The following MCC variants were observed in gnomAD, a reference collection of about 807,000 sequenced individuals.
The protein encoded by MCC is MCC regulator of Wnt signaling pathway.
MCC carries 90 observed loss-of-function variants against 116.2 expected under a neutral mutation model. The ratio of observed to expected loss-of-function variants is 0.77; its 90% CI spans 0.65 to 0.92. The LOEUF (loss-of-function observed/expected upper bound fraction) is 0.92. Among genes scored for constraint, MCC ranks in the 40% least tolerant of loss-of-function variants. The pLI is 0.00. For missense variants in MCC, 1,516 were observed against 1,312.2 expected (o/e 1.16, Z -2.40); for synonymous variants, 578 against 510.5 (o/e 1.13, Z -1.78).
intron 1 of MCC, among the ~76,000 whole-genome samples, chr5:113,414,418 T>C (rs948128261): frequency 6.6e-6 from 1 of 152,194 alleles, no homozygotes; most frequent in Non-Finnish European, 1.5e-5. Context: ...TCTTTGTAGG[T>C]CTCTAAGGAC....
At chr5:113,463,362 G>C (rs1176406024) in intron 1 of MCC, among the ~76,000 whole-genome samples, 1 of 152,190 alleles carries the variant, frequency 6.6e-6, no homozygotes, top group African/African-American at 2.4e-5. Flanking sequence ...GGAGAGATGG[G>C]AAGGCCAGTT....
chr5:113,370,799 C>A (rs1768820224), intron 2 of MCC, among the ~76,000 whole-genome samples: 1 of 152,176 alleles, frequency 6.6e-6, no homozygotes, highest in Non-Finnish European at 1.5e-5. Flanking sequence ...ACACAGTCTG[C>A]AGATTCTAAA....
chr5:113,168,700 T>A (rs887804670), intron 3 of MCC, among the ~76,000 whole-genome samples: 2 of 152,140 alleles, frequency 1.3e-5, no homozygotes, highest in African/African-American at 4.8e-5. Flanking sequence ...AACTGTGCTT[T>A]TTTGCCATGT....
intron 3 of MCC, among the ~76,000 whole-genome samples, chr5:113,276,678 G>T (rs1294915597): frequency 6.6e-6 from 1 of 152,168 alleles, no homozygotes; most frequent in Non-Finnish European, 1.5e-5. Flanking sequence ...CCAGGCTGGA[G>T]TACAGTGGTA....
rs1768067111 is a variant in MCC at position 113,343,731 on chromosome 5, A to G, written c.416-3001T>C. On this transcript the variant is annotated intron_variant, in intron 2 of 18. Coordinates refer to ENST00000408903, the MANE Select transcript of MCC (RefSeq NM_001085377.2). ...TTGCTGAATTATCCATGGTTGTAGT[A>G]CCCTACAGTTTCACTTTTTAACCTA... 2.0e-5 allele frequency among the ~76,000 whole-genome samples: 3 copies of G among 152,238 alleles called. No individual in the cohort carries two copies. The South Asian group carries it at 6.2e-4, about 32-fold the overall frequency.
At chr5:113,457,964 C>G (rs1445435636) in intron 1 of MCC, among the ~76,000 whole-genome samples, 1 of 152,068 alleles carries the variant, frequency 6.6e-6, no homozygotes, top group Non-Finnish European at 1.5e-5. Flanking sequence ...TGTGTCCACA[C>G]TCTGTATCTA....
chr5:113,055,654 C>A lies in MCC; in HGVS notation c.2214-1695G>T, dbSNP rs149729393. 1.4e-3 allele frequency among the ~76,000 whole-genome samples: 217 copies of A among 152,316 alleles called. 2 individuals carry two copies. Among genetic ancestry groups the A allele is most frequent in the African/African-American group, 4.6e-3 (193 of 41,570 alleles). ...GGAAGTCCCTTGGAGATAAGGTAAGCTAGATCAGCCTGACCATTAAACACC... is the reference window on the plus strand; with the variant it reads ...GGAAGTCCCTTGGAGATAAGGTAAGATAGATCAGCCTGACCATTAAACACC... On this transcript the variant is annotated intron_variant, in intron 14 of 18. Transcript: ENST00000408903.
chr5:113,153,846 T>A (rs1205686204), intron 3 of MCC, among the ~76,000 whole-genome samples: 1 of 152,218 alleles, frequency 6.6e-6, no homozygotes, highest in Non-Finnish European at 1.5e-5. Context: ...TGTCCCCGAC[T>A]CCATAACTGC....
chr5:113,166,599 T>C (rs1760780864), intron 3 of MCC, among the ~76,000 whole-genome samples: 1 of 150,626 alleles, frequency 6.6e-6, no homozygotes, highest in Non-Finnish European at 1.5e-5. Context: ...TGAGTCTTCG[T>C]AATAGAGTTT....
intron 17 of MCC, among the ~76,000 whole-genome samples, chr5:113,032,889 A>G (rs1445988585): frequency 6.6e-6 from 1 of 152,242 alleles, no homozygotes; most frequent in African/African-American, 2.4e-5. Flanking sequence ...AACAGTTTAC[A>G]AATGCCATGG....
At chr5:113,484,293 T>A (rs779606187) in intron 1 of MCC, among the ~76,000 whole-genome samples, 1 of 152,132 alleles carries the variant, frequency 6.6e-6, no homozygotes, top group African/African-American at 2.4e-5. Flanking sequence ...GTTAAAAATA[T>A]ACATATTTAA....
rs886781614 is a variant in MCC, at chr5:113,027,376, T to C, written c.2986A>G (p.Arg996Gly). ...AGAGCTATTCTTTGCTTGAGCATCC[T>C]CACTTGGGTCTCATGTCTCTCCACC... is the stretch of plus-strand genomic sequence containing the variant. ...AMVERHETQV[R>G]MLKQRIALLE... is the part of the protein sequence containing the mutation. Residue 996 changes from arginine (R) to glycine (G), a missense_variant, in exon 19 of 19, where the codon AGG becomes GGG. Coordinates refer to ENST00000408903, the MANE Select transcript of MCC (RefSeq NM_001085377.2). The C allele has an allele frequency of 5.6e-6, 9 of 1,614,074 alleles. No individual in the cohort carries two copies. Among genetic ancestry groups the C allele is most frequent in the Non-Finnish European group, 7.6e-6 (9 of 1,180,034 alleles).
At chr5:113,349,352 C>A (rs1471127935) in intron 2 of MCC, among the ~76,000 whole-genome samples, 1 of 151,904 alleles carries the variant, frequency 6.6e-6, no homozygotes, top group African/African-American at 2.4e-5. Context: ...TTCATCATGA[C>A]AAAGTGGGAT....
At position 113,333,238 on chromosome 5, in the gene MCC, T is replaced by C. The variant is rs530091134; in HGVS notation, c.627+7281A>G. ...TTCTGTATTGGATGAAACGTGTGGA[T>C]GTGCAGTATTCTCCAAAGTAACCAA... On this transcript the variant is annotated intron_variant, in intron 3 of 18. Coordinates refer to ENST00000408903, the MANE Select transcript of MCC (RefSeq NM_001085377.2). 2.1e-4 allele frequency among the ~76,000 whole-genome samples: 32 copies of C among 151,832 alleles called. 3 individuals carry two copies. Among genetic ancestry groups the C allele is most frequent in the African/African-American group, 7.5e-4 (31 of 41,104 alleles).
intron 3 of MCC, among the ~76,000 whole-genome samples, chr5:113,216,121 A>C (rs951572605): frequency 6.6e-6 from 1 of 152,210 alleles, no homozygotes; most frequent in African/African-American, 2.4e-5. Context: ...TTATTTACAT[A>C]GTGCCTATGG....
intron 8 of MCC, among the ~76,000 whole-genome samples, chr5:113,088,305 A>T (rs1755348156): frequency 6.6e-6 from 1 of 152,012 alleles, no homozygotes. Context: ...CTAAGGCTAA[A>T]GCCAATATGC....
At position 113,049,302 on chromosome 5, in the gene MCC, A is replaced by G. The variant is rs765090404; in HGVS notation, c.2449-3T>C. The stretch of plus-strand genomic sequence containing the variant: ...GCCTTCAACTCGGCCATCTCCTCCT[A>G]CAGACAAAGGAGCACAGAGCACATG... On this transcript the variant is annotated splice_region_variant and splice_polypyrimidine_tract_variant and intron_variant, in intron 15 of 18. Coordinates refer to ENST00000408903, the MANE Select transcript of MCC (RefSeq NM_001085377.2). The G allele has an allele frequency of 1.9e-6, 3 of 1,577,118 alleles. No individual in the cohort carries two copies. In the African/African-American group the frequency reaches 4.1e-5, roughly 21 times the overall value.
intron 3 of MCC, among the ~76,000 whole-genome samples, chr5:113,262,069 T>A (rs6861939): frequency 0.17 from 25,944 of 152,028 alleles, 2,520 homozygotes; most frequent in Non-Finnish European, 0.21. Flanking sequence ...TTCATGAACG[T>A]CCTAAGAGCT....
intron 3 of MCC, among the ~76,000 whole-genome samples, chr5:113,238,507 A>C (rs1764235021): frequency 1.3e-5 from 2 of 152,224 alleles, no homozygotes; most frequent in East Asian, 3.8e-4. Flanking sequence ...AAAACAAACT[A>C]ACAAAAAAAT....
Sources: allele counts gnomAD v4.1 joint callset (sites outside exome capture counted in the v4.1 genomes callset), GRCh38; gene constraint gnomAD v4.1.1; transcripts MANE v1.5; gene names NCBI Gene and HGNC (gene_info 2026-07-23, HGNC 2026-07-21).